UBR1: variants seen among roughly 807,000 people sequenced by gnomAD.
UBR1 encodes ubiquitin protein ligase E3 component n-recognin 1.
UBR1 carries 102 observed loss-of-function variants against 242.1 expected under a neutral mutation model. That is an observed-to-expected ratio of 0.42 (90% CI 0.36 to 0.50). The LOEUF (loss-of-function observed/expected upper bound fraction) is 0.50. UBR1 is among the 20% of genes least tolerant of loss of function. The pLI is 0.01. For synonymous variants in UBR1, 675 were observed against 684.8 expected (o/e 0.99, Z 0.22); for missense variants, 1,772 against 2,101.8 (o/e 0.84, Z 3.07).
At chr15:42,993,413 G>C (rs2032586341) in intron 33 of UBR1, among the ~76,000 whole-genome samples, 1 of 151,022 alleles carries the variant, frequency 6.6e-6, no homozygotes, top group Non-Finnish European at 1.5e-5. Context: ...ACCCAGGCTA[G>C]AGTACAGTGG....
chr15:43,050,930 C>T (rs759073116), intron 12 of UBR1, among the ~76,000 whole-genome samples: 18 of 152,152 alleles, frequency 1.2e-4, no homozygotes, highest in African/African-American at 4.3e-4. Flanking sequence ...AAGTCACAGA[C>T]GCTGGGGAGG....
chr15:43,056,664 G>C (rs2033623379), intron 10 of UBR1, among the ~76,000 whole-genome samples: 2 of 152,096 alleles, frequency 1.3e-5, no homozygotes, highest in South Asian at 4.1e-4. Flanking sequence ...AGCAGAGATA[G>C]AAGTGGAAAC....
intron 27 of UBR1, among the ~76,000 whole-genome samples, chr15:43,020,858 C>T (rs955738128): frequency 6.6e-5 from 10 of 152,184 alleles, no homozygotes; most frequent in African/African-American, 1.9e-4. Context: ...GCTCTAATGT[C>T]GTGTTTTGAG....
intron 29 of UBR1, among the ~76,000 whole-genome samples, chr15:43,009,037 C>T (rs114454965): frequency 0.011 from 1,678 of 152,316 alleles, 32 homozygotes; most frequent in African/African-American, 0.037. Context: ...GACAAGAACT[C>T]GGGAACCACC....
At chr15:43,056,254 T>A in intron 11 of UBR1, 90 bp downstream of exon 11, 2 of 1,027,216 alleles carry the variant, frequency 1.9e-6, no homozygotes, top group Admixed American at 3.4e-5. Flanking sequence ...ATTCTAACAT[T>A]GTTCTAATTT....
At position 42,988,759 on chromosome 15, in the gene UBR1, A is replaced by G. The variant is rs576027480; in HGVS notation, c.3997+60T>C. 3.5e-4 allele frequency: 555 copies of G among 1,603,730 alleles called. 2 individuals are homozygous for G. In the African/African-American group the frequency reaches 6.8e-3, roughly 20 times the overall value. Reference sequence around the variant, plus strand: ...CATCAGTGAAAAAAAGAATTTAAGAATGAATGATCAAAGTTAATTCTCACT... The same window carrying G: ...CATCAGTGAAAAAAAGAATTTAAGAGTGAATGATCAAAGTTAATTCTCACT... On this transcript the variant is annotated intron_variant, in intron 35 of 46. Transcript: ENST00000290650.
chr15:43,007,010 T>C (rs975201473), intron 30 of UBR1, 69 bp downstream of exon 30: 16 of 1,471,590 alleles, frequency 1.1e-5, no homozygotes, highest in Middle Eastern at 1.8e-4. Flanking sequence ...GTTTTTCAAA[T>C]AGTATTTTCT....
intron 3 of UBR1, among the ~76,000 whole-genome samples, chr15:43,080,629 C>T (rs1329542879): frequency 6.6e-6 from 1 of 152,134 alleles, no homozygotes; most frequent in Non-Finnish European, 1.5e-5. Flanking sequence ...TGGTTGCTTC[C>T]AAGTTTTGGG....
At position 43,022,709 on chromosome 15, in the gene UBR1, C is replaced by G; in HGVS notation, c.2832G>C (p.Lys944Asn). The change falls in exon 26 of 47, where the codon AAG (lysine) becomes AAC (asparagine). Residue 944 changes from lysine (K) to asparagine (N), a missense_variant. This residue lies in a region of UBR1 where 965 missense variants were observed against 1,079.7 expected (regional missense o/e 0.89). Coordinates refer to ENST00000290650, the MANE Select transcript of UBR1 (RefSeq NM_174916.3). ...AGTGATACTCAAACATACTTGAAGC[C>G]TTATGATAAAAGTCAAATGTTACTT... ...EEEVTFDFYH[K>N]ASRLGSSAMN... The G allele has an allele frequency of 6.2e-7, 1 of 1,608,650 alleles. No individual in the cohort carries two copies. The highest frequency in any genetic ancestry group is 8.5e-7 in the Non-Finnish European group (1 of 1,175,990).
Position 42,990,063 on chromosome 15 carries a change from A to C in UBR1, c.3815T>G (p.Phe1272Cys). The C allele has an allele frequency of 6.2e-7, 1 of 1,609,554 alleles. No homozygotes were observed. The highest frequency in any genetic ancestry group is 8.5e-7 in the Non-Finnish European group (1 of 1,177,422). Residue 1272 changes from phenylalanine to cysteine, a missense_variant, in exon 34 of 47, where the codon TTC (phenylalanine) becomes TGC (cysteine). Phe to Cys is a radical substitution (Grantham distance 205). Coordinates refer to ENST00000290650, the MANE Select transcript of UBR1 (RefSeq NM_174916.3). Reference protein sequence around the residue: ...NQGMGDSTLEFHSILSFGVES... With the variant: ...NQGMGDSTLECHSILSFGVES... ...AACGCCAAAACTCAGGATGGAATGG[A>C]ACTCCAAAGTAGAATCTCCCATTCC...
At chr15:43,017,583 G>A (rs1300931074) in intron 27 of UBR1, among the ~76,000 whole-genome samples, 1 of 152,182 alleles carries the variant, frequency 6.6e-6, no homozygotes, top group Non-Finnish European at 1.5e-5. Context: ...GCCAAGGCAG[G>A]TGGATCACCT....
intron 30 of UBR1, 33 bp from the exon 31 acceptor site, chr15:43,003,963 GAGAC>G (rs1567121677): frequency 1.3e-6 from 2 of 1,595,480 alleles, no homozygotes; most frequent in African/African-American, 1.3e-5. Flanking sequence ...GGGAAAAAGA[GAGAC>G]AGGTTATCAG....
At chr15:43,045,675 C>G (rs931661264) in intron 14 of UBR1, among the ~76,000 whole-genome samples, 6 of 152,084 alleles carry the variant, frequency 3.9e-5, no homozygotes, top group African/African-American at 1.4e-4. Flanking sequence ...ATTTTAAATA[C>G]CATGTAAATG....
chr15:42,995,035 C>A (rs1346805067), intron 33 of UBR1, among the ~76,000 whole-genome samples: 1 of 152,144 alleles, frequency 6.6e-6, no homozygotes, highest in Non-Finnish European at 1.5e-5. Context: ...AAAATATAGG[C>A]TTCTAAGTAA....
chr15:43,081,405 G>A lies in UBR1; in HGVS notation c.417+1233C>T, dbSNP rs183384213. Among the ~76,000 whole-genome samples the A allele has an allele frequency of 3.1e-4, 34 of 109,188 alleles. 1 individual carries two copies. The East Asian group carries it at 7.0e-3, about 22-fold the overall frequency. 71.6% of individuals were successfully genotyped at this position (109,188 alleles called of 152,430 possible). ...GCACTCTAGCCTGGGAAATAACAGC[G>A]ACACCCCATCTCAAAAAAAAAAAAA... is the stretch of plus-strand genomic sequence containing the variant. On this transcript the variant is annotated intron_variant, in intron 3 of 46. Transcript: ENST00000290650.
intron 46 of UBR1, among the ~76,000 whole-genome samples, chr15:42,948,227 TA>T (rs1196547822): frequency 6.6e-6 from 1 of 152,118 alleles, no homozygotes; most frequent in Non-Finnish European, 1.5e-5. Context: ...TGGCTAGCCA[TA>T]TGTAGAAAGC....
In UBR1 at chr15:43,000,060, G is replaced by T. The variant is rs189083821; in HGVS notation, c.3660-1795C>A. On this transcript the variant is annotated intron_variant, in intron 32 of 46. Coordinates refer to ENST00000290650, the MANE Select transcript of UBR1 (RefSeq NM_174916.3). ...CAGTTTATTAGTTTTAAATTTTTTC[G>T]TAAGTTTGTATTATACATTTTTAAT... Among the ~76,000 whole-genome samples the T allele has an allele frequency of 3.3e-5, 5 of 151,900 alleles. No individual in the cohort carries two copies. The South Asian group carries it at 8.3e-4, about 25-fold the overall frequency.
At position 43,003,893 on chromosome 15, in the gene UBR1, T is replaced by C. The variant is rs575536468; in HGVS notation, c.3453A>G (p.Ala1151=). The C allele has an allele frequency of 6.2e-7, 1 of 1,614,004 alleles. No homozygotes were observed. The highest frequency in any genetic ancestry group is 8.5e-7 in the Non-Finnish European group (1 of 1,180,008). The part of the protein sequence containing the change: ...LDPLFMDPDL[A]YGTYTGSCGH... ...CACAGCTTCCTGTATAAGTTCCATA[T>C]GCCAAGTCTGGATCCATGAAAAGTG... Residue 1151 remains alanine (A), a synonymous_variant, in exon 31 of 47, where the codon GCA becomes GCG. Coordinates refer to ENST00000290650, the MANE Select transcript of UBR1 (RefSeq NM_174916.3).
intron 23 of UBR1, 87 bp downstream of exon 23, chr15:43,026,474 A>C: frequency 9.1e-7 from 1 of 1,094,436 alleles, no homozygotes; most frequent in Middle Eastern, 2.0e-4. Context: ...ACCAGCGTGA[A>C]ACTATAGAAA....
Sources: gnomAD v4.1 joint callset for allele counts (sites outside exome capture counted in the v4.1 genomes callset) on GRCh38, gnomAD v4.1.1 for gene constraint, gnomAD v4.1.1 regional missense constraint, MANE v1.5 for transcripts, NCBI Gene and HGNC (gene_info 2026-07-23, HGNC 2026-07-21) for gene names.